The following KIFC3 variants were observed in gnomAD, a reference collection of about 807,000 sequenced individuals.
KIFC3 encodes kinesin family member C3.
In KIFC3, 60 loss-of-function variants were observed where a neutral mutation model predicts 101.8. The ratio of observed to expected loss-of-function variants is 0.59; its 90% CI spans 0.48 to 0.73. The LOEUF (loss-of-function observed/expected upper bound fraction) is 0.73, where lower values mean the gene tolerates loss of function less well. Ranked by LOEUF, KIFC3 falls within the 30% of genes least tolerant of loss-of-function variation. The pLI is 0.00. For synonymous variants in KIFC3, 476 were observed against 482.7 expected (o/e 0.99, Z 0.18); for missense variants, 966 against 1,137.1 (o/e 0.85, Z 2.16).
At position 57,762,171 on chromosome 16, in the gene KIFC3, T is replaced by C. The variant is rs1555598505; in HGVS notation, c.1717A>G (p.Ser573Gly). The change falls in exon 13 of 20, where the codon AGC becomes GGC. Residue 573 changes from serine (S) to glycine (G), a missense_variant. Transcript: ENST00000445690. ...ACCTCATTGTAGATCTCCGCAGCGC[T>C]GACGGTGATGGTGTACTCCCAGTCA... ...ASDWEYTITV[S>G]AAEIYNEVLR... 2.5e-6 allele frequency: 4 copies of C among 1,607,682 alleles called. No individual in the cohort carries two copies. The South Asian group carries it at 3.3e-5, about 13-fold the overall frequency.
chr16:57,797,800 A>C, intron 2 of KIFC3: 30 of 1,345,778 alleles, frequency 2.2e-5, no homozygotes, highest in African/African-American at 4.6e-5. Context: ...GCCAGAGGGA[A>C]TGCAGCTGAT....
At chr16:57,852,365 C>G (rs1330224685) in intron 1 of KIFC3, among the ~76,000 whole-genome samples, 1 of 152,192 alleles carries the variant, frequency 6.6e-6, no homozygotes, top group East Asian at 1.9e-4. Flanking sequence ...ATCACCCCAC[C>G]TCCTGCCTCA....
intron 3 of KIFC3, chr16:57,785,464 C>T (rs2053222913): frequency 7.8e-7 from 1 of 1,284,676 alleles, no homozygotes; most frequent in African/African-American, 1.5e-5. Context: ...CCCCAGGTAC[C>T]TGGTTCTGCA....
chr16:57,787,689 A>G (rs889102544), intron 3 of KIFC3, among the ~76,000 whole-genome samples: 1 of 152,102 alleles, frequency 6.6e-6, no homozygotes, highest in Non-Finnish European at 1.5e-5. Flanking sequence ...CTCAGCGCAC[A>G]ATCAGCAAGA....
At chr16:57,819,937 C>T (rs1486977742) in intron 1 of KIFC3, among the ~76,000 whole-genome samples, 5 of 152,110 alleles carry the variant, frequency 3.3e-5, no homozygotes, top group East Asian at 1.9e-4. Flanking sequence ...GGCACGATCT[C>T]GGCTCACTCC....
intron 1 of KIFC3, among the ~76,000 whole-genome samples, chr16:57,829,464 A>T (rs1222622826): frequency 6.6e-6 from 1 of 152,212 alleles, no homozygotes; most frequent in Non-Finnish European, 1.5e-5. Context: ...TATGTTGCCC[A>T]GGCTGGTCTT....
At chr16:57,785,928 A>G (rs1291881553) in intron 3 of KIFC3, among the ~76,000 whole-genome samples, 1 of 152,028 alleles carries the variant, frequency 6.6e-6, no homozygotes, top group African/African-American at 2.4e-5. Context: ...TTCACTGAAT[A>G]CGGCTCTCAA....
At chr16:57,837,758 A>G (rs930293556) in intron 1 of KIFC3, among the ~76,000 whole-genome samples, 8 of 152,142 alleles carry the variant, frequency 5.3e-5, no homozygotes, top group African/African-American at 1.7e-4. Flanking sequence ...TACTGCTCCT[A>G]GACAAGGCCT....
intron 1 of KIFC3, among the ~76,000 whole-genome samples, chr16:57,809,528 G>A (rs77244197): frequency 0.11 from 17,276 of 152,164 alleles, 1,090 homozygotes; most frequent in Middle Eastern, 0.19. Context: ...TGGCCATTCC[G>A]TAGGGTCTGA....
rs1213025563 is a variant in KIFC3, at chr16:57,816,790, T to G, written c.109-18508A>C. 7 of 453,832 alleles carry G rather than the reference T, an allele frequency of 1.5e-5. No individual in the cohort carries two copies. In the East Asian group the frequency reaches 4.2e-4, roughly 27 times the overall value. 28.1% of individuals were successfully genotyped at this position (453,832 alleles called of 1,614,324 possible). On this transcript the variant is annotated intron_variant, in intron 1 of 2. Transcript: ENST00000563028. Reference sequence around the variant, plus strand: ...GCCACCCCTTCCAGGCAGGAGCTCATGGGAAACCAAGACCAGGGAACCCAT... The same window carrying G: ...GCCACCCCTTCCAGGCAGGAGCTCAGGGGAAACCAAGACCAGGGAACCCAT...
rs567643766 is a variant in KIFC3, at chr16:57,855,269, C to T, written c.108+7460G>A. 9.4e-4 allele frequency among the ~76,000 whole-genome samples: 142 copies of T among 151,794 alleles called. 1 individual carries two copies. In the South Asian group the frequency reaches 0.011, roughly 12 times the overall value. On this transcript the variant is annotated intron_variant, in intron 1 of 2. Coordinates refer to the KIFC3 transcript ENST00000563028. ...CCTCCCAAGTAGCTGGGATTACAGG[C>T]GTGCCCCACCACGCCCAGCTAATTT...
chr16:57,788,555 G>A, intron 3 of KIFC3: 1 of 1,280,912 alleles, frequency 7.8e-7, no homozygotes, highest in Non-Finnish European at 1.0e-6. Flanking sequence ...GTGCCGGTTT[G>A]GCGGGCAGGC....
chr16:57,802,269 G>A lies in KIFC3; in HGVS notation c.-40+101C>T. 1.7e-6 allele frequency: 1 copy of A among 599,098 alleles called. No homozygotes were observed. The highest frequency in any genetic ancestry group is 2.1e-6 in the Non-Finnish European group (1 of 476,874). 37.1% of individuals were successfully genotyped at this position (599,098 alleles called of 1,614,324 possible). ...GCCCATAGCGGGTCCGGGCAGAGGG[G>A]TCCCGAGGGCAGGGCCGGCCCGGAC... On this transcript the variant is annotated intron_variant, in intron 1 of 19. Coordinates refer to ENST00000445690, the MANE Select transcript of KIFC3 (RefSeq NM_001130100.2). This position sits in a 1 kb window ranked among gnomAD's most constrained non-coding sequence, Gnocchi z 5.0.
At chr16:57,862,029 A>G (rs1959310614) in intron 1 of KIFC3, among the ~76,000 whole-genome samples, 1 of 152,114 alleles carries the variant, frequency 6.6e-6, no homozygotes, top group South Asian at 2.1e-4. Context: ...CTGGCTAGTC[A>G]TATGTATAGA....
At position 57,802,308 on chromosome 16, in the gene KIFC3, C is replaced by G; in HGVS notation, c.-40+62G>C. 9.1e-6 allele frequency: 8 copies of G among 877,312 alleles called. No individual in the cohort carries two copies. The highest frequency in any genetic ancestry group is 1.2e-4 in the East Asian group (1 of 8,268). 54.3% of individuals were successfully genotyped at this position (877,312 alleles called of 1,614,324 possible). A position where few individuals can be genotyped will look rare whatever the true frequency, so the allele number is the denominator to read the frequency against. On this transcript the variant is annotated intron_variant, in intron 1 of 19. Transcript: ENST00000445690. The surrounding 1 kb of genome is among the most constrained non-coding windows in gnomAD (Gnocchi z 5.0). Reference sequence around the variant, plus strand: ...GCCGGCCCGGACGCGGCGCCCCAAACGGCGGGCCGGGCAGAGCCCAGCGCC... The same window carrying G: ...GCCGGCCCGGACGCGGCGCCCCAAAGGGCGGGCCGGGCAGAGCCCAGCGCC...
chr16:57,764,468 T>A (rs1286316857), intron 11 of KIFC3: 2 of 544,144 alleles, frequency 3.7e-6, no homozygotes, highest in Non-Finnish European at 6.6e-6. Context: ...GACAGGCCAG[T>A]GCCTGCTGCC....
At chr16:57,832,318 G>GT (rs2055598180) in intron 1 of KIFC3, among the ~76,000 whole-genome samples, 3 of 129,552 alleles carry the variant, frequency 2.3e-5, no homozygotes, top group Non-Finnish European at 4.7e-5. Flanking sequence ...ACGGCGCCAG[G>GT]CCCTTTTTTT....
intron 3 of KIFC3, among the ~76,000 whole-genome samples, chr16:57,784,816 C>G (rs2053147920): frequency 6.6e-6 from 1 of 151,924 alleles, no homozygotes. Flanking sequence ...GAAAGTGACG[C>G]AGTCACACAC....
At chr16:57,842,060 G>C (rs537536546) in intron 1 of KIFC3, among the ~76,000 whole-genome samples, 34 of 152,146 alleles carry the variant, frequency 2.2e-4, no homozygotes, top group Admixed American at 9.2e-4. Flanking sequence ...GCCAGGCATG[G>C]TGATGTGCAC....
Sources: allele counts gnomAD v4.1 joint callset (sites outside exome capture counted in the v4.1 genomes callset), GRCh38; gene constraint gnomAD v4.1.1; non-coding constraint Gnocchi (gnomAD v3.1); transcripts MANE v1.5; gene names NCBI Gene and HGNC (gene_info 2026-07-23, HGNC 2026-07-21).